Variants in BAIAP2L1 observed in about 807,000 individuals in gnomAD.
BAIAP2L1 encodes BAR/IMD domain-containing adapter protein 2-like 1.
A neutral mutation model predicts 66.3 loss-of-function variants in BAIAP2L1; 35 were observed. That is an observed-to-expected ratio of 0.53 (90% confidence interval 0.40 to 0.70). BAIAP2L1 has a LOEUF of 0.70. BAIAP2L1 is among the 30% of genes least tolerant of loss of function. The pLI is 0.00. For synonymous variants in BAIAP2L1, 269 were observed against 248.7 expected (o/e 1.08, Z -0.77); for missense variants, 622 against 656.9 (o/e 0.95, Z 0.58).
intron 3 of BAIAP2L1, among the ~76,000 whole-genome samples, chr7:98,324,914 T>C (rs1427306894): frequency 6.6e-6 from 1 of 152,238 alleles, no homozygotes. Context: ...TTTCCATTTA[T>C]ATCTGATCAT....
chr7:98,318,993 G>A (rs893093165), intron 5 of BAIAP2L1, among the ~76,000 whole-genome samples: 1 of 151,484 alleles, frequency 6.6e-6, no homozygotes, highest in African/African-American at 2.4e-5. Context: ...AGTTTCTGAA[G>A]GCATAGCAAT....
chr7:98,314,146 T>G (rs938713442), intron 7 of BAIAP2L1, among the ~76,000 whole-genome samples: 12 of 151,682 alleles, frequency 7.9e-5, no homozygotes, highest in Non-Finnish European at 1.6e-4. Flanking sequence ...CCACATGTGA[T>G]TAATTTTTGT....
At chr7:98,387,223 A>G (rs2115827735) in intron 1 of BAIAP2L1, among the ~76,000 whole-genome samples, 1 of 152,282 alleles carries the variant, frequency 6.6e-6, no homozygotes, top group South Asian at 2.1e-4. Context: ...GGCTGCGGCT[A>G]CTAGAACTTG....
At chr7:98,363,224 G>A (rs1189058855) in intron 1 of BAIAP2L1, among the ~76,000 whole-genome samples, 12 of 151,666 alleles carry the variant, frequency 7.9e-5, no homozygotes, top group African/African-American at 2.7e-4. Flanking sequence ...TAGTAGAGGC[G>A]GGGTTTCACC....
intron 1 of BAIAP2L1, among the ~76,000 whole-genome samples, chr7:98,389,918 A>ATTTT (rs750099451): frequency 1.6e-4 from 21 of 129,798 alleles, no homozygotes; most frequent in Non-Finnish European, 3.0e-4. Context: ...GGGTTAGTAA[A>ATTTT]TTTTTTTTTT....
At chr7:98,364,167 CTA>C (rs758622929) in intron 1 of BAIAP2L1, among the ~76,000 whole-genome samples, 1 of 152,098 alleles carries the variant, frequency 6.6e-6, no homozygotes, top group Non-Finnish European at 1.5e-5. Context: ...GCTGATGAAA[CTA>C]TAGTCAGTGT....
chr7:98,306,637 G>T, intron 10 of BAIAP2L1, 121 bp from the exon 11 acceptor site: 1 of 1,418,624 alleles, frequency 7.0e-7, no homozygotes, highest in Admixed American at 2.2e-5. Flanking sequence ...GCCCATGTGT[G>T]GAGGAAATGA....
intron 3 of BAIAP2L1, among the ~76,000 whole-genome samples, chr7:98,325,932 G>A (rs1801372149): frequency 6.6e-6 from 1 of 152,218 alleles, no homozygotes; most frequent in Non-Finnish European, 1.5e-5. Context: ...CAGCATCTGA[G>A]AACCTGCAGT....
intron 1 of BAIAP2L1, among the ~76,000 whole-genome samples, chr7:98,372,433 C>T (rs1802531237): frequency 6.6e-6 from 1 of 151,884 alleles, no homozygotes. Context: ...CAAAAATTCT[C>T]TATATGAACA....
chr7:98,355,679 G>A (rs915421025), intron 2 of BAIAP2L1, among the ~76,000 whole-genome samples: 6 of 152,002 alleles, frequency 3.9e-5, no homozygotes, highest in Admixed American at 2.0e-4. Context: ...CAAGTGAGCC[G>A]AGATCATGAC....
chr7:98,367,017 G>A (rs1191413889), intron 1 of BAIAP2L1, among the ~76,000 whole-genome samples: 8 of 151,886 alleles, frequency 5.3e-5, no homozygotes, highest in East Asian at 1.9e-4. Context: ...TCAGCTTCCC[G>A]AGTAGCTGGG....
chr7:98,400,959 G>T lies in BAIAP2L1; in HGVS notation c.-107C>A. On this transcript the variant is annotated 5_prime_UTR_variant, in exon 1 of 14. Transcript: ENST00000005260. Reference sequence around the variant, plus strand: ...GGGCGCGACTAAGGGGCTCTGGAGGGTCGGCCGCCGCCGCAGCCGTCGGCC... The same window carrying T: ...GGGCGCGACTAAGGGGCTCTGGAGGTTCGGCCGCCGCCGCAGCCGTCGGCC... 1 of 1,040,684 alleles carries T rather than the reference G, an allele frequency of 9.6e-7. No homozygotes were observed. Among genetic ancestry groups the T allele is most frequent in the Non-Finnish European group, 1.3e-6 (1 of 791,430 alleles). 64.5% of individuals were successfully genotyped at this position (1,040,684 alleles called of 1,614,324 possible). A position where few individuals can be genotyped will look rare whatever the true frequency, so the allele number is the denominator to read the frequency against.
chr7:98,320,971 C>T (rs1801226618), intron 3 of BAIAP2L1, among the ~76,000 whole-genome samples: 1 of 152,182 alleles, frequency 6.6e-6, no homozygotes, highest in Non-Finnish European at 1.5e-5. Flanking sequence ...ATCCTTCCAC[C>T]TCAGCCTCCC....
At chr7:98,349,303 G>A (rs1000333629) in intron 3 of BAIAP2L1, among the ~76,000 whole-genome samples, 3 of 152,212 alleles carry the variant, frequency 2.0e-5, no homozygotes, top group Non-Finnish European at 4.4e-5. Flanking sequence ...CCCGGCACGC[G>A]GTGGACACAT....
intron 13 of BAIAP2L1, 137 bp from the exon 14 acceptor site, chr7:98,293,733 GT>G: frequency 2.5e-6 from 2 of 791,222 alleles, no homozygotes; most frequent in Non-Finnish European, 4.2e-6. Flanking sequence ...TCCCAGCAGC[GT>G]TTTCTGAGTG....
At chr7:98,336,835 G>T (rs553747014) in intron 3 of BAIAP2L1, among the ~76,000 whole-genome samples, 2 of 152,150 alleles carry the variant, frequency 1.3e-5, no homozygotes, top group Admixed American at 6.5e-5. Flanking sequence ...GTTGAGTGCC[G>T]TGAGTTTTGT....
In BAIAP2L1 at chr7:98,312,148, G is replaced by A. The variant is rs201882051; in HGVS notation, c.756C>T (p.Thr252=). ...MIEEIKTPAS[T]PVSGTPQASP... is the part of the protein sequence containing the mutation. ...AAGCCTGAGGAGTTCCAGACACGGG[G>A]GTAGAGGCTGGGGTCTTTATTTCTT... Residue 252 remains threonine (T), a synonymous_variant, in exon 8 of 14, where the codon ACC becomes ACT. Coordinates refer to ENST00000005260, the MANE Select transcript of BAIAP2L1 (RefSeq NM_018842.5). 6 of 1,613,830 alleles carry A rather than the reference G, an allele frequency of 3.7e-6. No homozygotes were observed. Among genetic ancestry groups the A allele is most frequent in the South Asian group, 3.3e-5 (3 of 91,048 alleles).
At chr7:98,370,246 G>A (rs1472695360) in intron 1 of BAIAP2L1, among the ~76,000 whole-genome samples, 4 of 151,702 alleles carry the variant, frequency 2.6e-5, no homozygotes, top group Non-Finnish European at 5.9e-5. Context: ...ATGGTGGCGG[G>A]TGCTTGTAGT....
rs11540936 is a variant in BAIAP2L1, at chr7:98,307,889, G to A, written c.963C>T (p.Ser321=). 0.018 allele frequency: 28,934 copies of A among 1,614,094 alleles called. 512 individuals are homozygous for A. Among genetic ancestry groups the A allele is most frequent in the African/African-American group, 0.087 (6,510 of 75,018 alleles). The change falls in exon 10 of 14, where the codon TCC becomes TCT. Residue 321 remains serine, a synonymous_variant. Coordinates refer to ENST00000005260, the MANE Select transcript of BAIAP2L1 (RefSeq NM_018842.5). The part of the protein sequence containing the change: ...SQRVNNSTGT[S]EDPSLQRSVS... Reference sequence around the variant, plus strand: ...CTGATCGCTGTAAACTGGGATCTTCGGAAGTACCTGTTGGAGGGAGTGTAG... The same window carrying A: ...CTGATCGCTGTAAACTGGGATCTTCAGAAGTACCTGTTGGAGGGAGTGTAG...
Sources: allele counts gnomAD v4.1 joint callset (sites outside exome capture counted in the v4.1 genomes callset), GRCh38; gene constraint gnomAD v4.1.1; transcripts MANE v1.5; gene names NCBI Gene and HGNC (gene_info 2026-07-23, HGNC 2026-07-21).